Variants in CLNK observed in about 807,000 individuals in gnomAD.
CLNK encodes the protein cytokine-dependent hematopoietic cell linker.
CLNK carries 74 observed loss-of-function variants against 68.6 expected under a neutral mutation model. The observed-to-expected ratio is 1.08, with a 90% CI of 0.89 to 1.31. The LOEUF (loss-of-function observed/expected upper bound fraction) is 1.31, where lower values mean the gene tolerates loss of function less well. CLNK is among the 50% of genes most tolerant of loss of function. CLNK has a pLI of 0.00. For missense variants in CLNK, 553 were observed against 515.3 expected (o/e 1.07, Z -0.71); for synonymous variants, 198 against 172.2 (o/e 1.15, Z -1.17).
At chr4:10,542,473 C>A (rs1719069241) in intron 8 of CLNK, among the ~76,000 whole-genome samples, 193 bp from the exon 9 acceptor site, 1 of 152,038 alleles carries the variant, frequency 6.6e-6, no homozygotes, top group South Asian at 2.1e-4. Context: ...TAAATCCTCA[C>A]CCTTGTTCGG....
chr4:10,680,851 T>C (rs1273597410), intron 1 of CLNK, among the ~76,000 whole-genome samples: 1 of 152,026 alleles, frequency 6.6e-6, no homozygotes, highest in South Asian at 2.1e-4. Flanking sequence ...CTGGATGGCG[T>C]GGTATAGTGA....
At chr4:10,604,277 G>A (rs1721705915) in intron 2 of CLNK, among the ~76,000 whole-genome samples, 1 of 152,226 alleles carries the variant, frequency 6.6e-6, no homozygotes. Context: ...GGTCAGAAAT[G>A]TGGCTTACTC....
chr4:10,688,506 C>T (rs1244697762), upstream of CLNK, among the ~76,000 whole-genome samples: 2 of 152,058 alleles, frequency 1.3e-5, no homozygotes, highest in African/African-American at 2.4e-5. Context: ...TGCTGGGAGG[C>T]TAATTTGCAA....
Position 10,665,266 on chromosome 4 carries a change from A to C in CLNK, c.11+2593T>G, listed in dbSNP as rs146570293. ...GAAAGCTTGGTGAGAAGCCATGTTC[A>C]ACAGAGACCAACTCCCTGGCTAAAA... On this transcript the variant is annotated intron_variant, in intron 2 of 18. Coordinates refer to ENST00000226951, the MANE Select transcript of CLNK (RefSeq NM_052964.4). Among the ~76,000 whole-genome samples, 340 of 152,326 alleles carry C rather than the reference A, an allele frequency of 2.2e-3. 2 individuals are homozygous for C. Among genetic ancestry groups the C allele is most frequent in the African/African-American group, 7.9e-3 (328 of 41,570 alleles).
chr4:10,723,919 A>AGAGAGAGACAGAGAGAGAGAGATCG, the CLNK span, among the ~76,000 whole-genome samples: 7 of 148,014 alleles, frequency 4.7e-5, no homozygotes, highest in Non-Finnish European at 9.0e-5. Context: ...AGAGAGAGAG[A>AGAGAGAGACAGAGAGAGAGAGATCG]AGGCAGGGCA....
At chr4:10,713,791 T>A in the CLNK span, among the ~76,000 whole-genome samples, 1 of 152,158 alleles carries the variant, frequency 6.6e-6, no homozygotes, top group African/African-American at 2.4e-5. Context: ...TCTCTCATCA[T>A]GTGACAACCA....
intron 2 of CLNK, among the ~76,000 whole-genome samples, chr4:10,652,381 CAAAAAAAAAAAA>C (rs67304153): frequency 2.0e-5 from 1 of 50,742 alleles, no homozygotes; most frequent in African/African-American, 7.9e-5. Flanking sequence ...GACTCTGTCT[CAAAAAAAAAAAA>C]AAAAAAAAAA....
At chr4:10,695,726 T>C in the CLNK span, among the ~76,000 whole-genome samples, 1 of 152,196 alleles carries the variant, frequency 6.6e-6, no homozygotes, top group Non-Finnish European at 1.5e-5. Flanking sequence ...GGCTATTTTG[T>C]ACAGAGGTAA....
chr4:10,662,286 T>C (rs1487870983), intron 2 of CLNK, among the ~76,000 whole-genome samples: 1 of 152,148 alleles, frequency 6.6e-6, no homozygotes, highest in Non-Finnish European at 1.5e-5. Flanking sequence ...CAAGATAAAA[T>C]AAACTGCCAA....
intron 8 of CLNK, among the ~76,000 whole-genome samples, chr4:10,550,818 G>A (rs936810778): frequency 1.3e-5 from 2 of 152,104 alleles, no homozygotes; most frequent in Admixed American, 1.3e-4. Flanking sequence ...TTCACTTAAA[G>A]GAATCACTTT....
chr4:10,544,546 A>T (rs910773296), intron 8 of CLNK, among the ~76,000 whole-genome samples: 6 of 152,234 alleles, frequency 3.9e-5, no homozygotes, highest in African/African-American at 1.2e-4. Flanking sequence ...GGAGAGTAGG[A>T]GCTGGGGCTA....
rs767714246 is a variant in CLNK, at chr4:10,566,118, TG to T, written c.182del (p.Ala61GlufsTer31). On this transcript the variant is annotated frameshift_variant, in exon 6 of 19. Coordinates refer to ENST00000226951, the MANE Select transcript of CLNK (RefSeq NM_052964.4). LOFTEE classifies it high-confidence loss of function. ...CATAGTCATCATCACTGTGGCCTTT[TG>T]CTCCATCCAGGACTGCAGCAAAGTT... is the stretch of plus-strand genomic sequence containing the variant. ...ERNFAAVLDG[A>X]KGHSDDDYDD... 2 of 1,613,916 alleles carry T rather than the reference TG, an allele frequency of 1.2e-6. No homozygotes were observed. Among genetic ancestry groups the T allele is most frequent in the South Asian group, 2.2e-5 (2 of 91,068 alleles).
the CLNK span, among the ~76,000 whole-genome samples, chr4:10,698,287 T>A: frequency 6.6e-6 from 1 of 152,192 alleles, no homozygotes; most frequent in East Asian, 1.9e-4. Flanking sequence ...TTATTCTTAA[T>A]ACATTTATAA....
intron 1 of CLNK, among the ~76,000 whole-genome samples, chr4:10,679,511 A>C (rs1240891784): frequency 6.6e-6 from 1 of 152,254 alleles, no homozygotes; most frequent in African/African-American, 2.4e-5. Flanking sequence ...CAAAATTGAC[A>C]AATGGGATCT....
At chr4:10,650,469 A>G (rs1481082056) in intron 2 of CLNK, among the ~76,000 whole-genome samples, 1 of 152,124 alleles carries the variant, frequency 6.6e-6, no homozygotes. Context: ...ACTACAGAAA[A>G]CCAAAAAACA....
chr4:10,566,277 G>T, intron 5 of CLNK, 127 bp from the exon 6 acceptor site: 1 of 879,720 alleles, frequency 1.1e-6, no homozygotes, highest in Non-Finnish European at 1.7e-6. Context: ...AGAATCTAGG[G>T]TCTGGGATCT....
chr4:10,676,767 G>A (rs1218949439), intron 1 of CLNK, among the ~76,000 whole-genome samples: 7 of 151,372 alleles, frequency 4.6e-5, no homozygotes, highest in African/African-American at 1.5e-4. Context: ...TGTTCATTTA[G>A]CTTTCTCATG....
intron 2 of CLNK, among the ~76,000 whole-genome samples, chr4:10,608,530 C>A (rs889816815): frequency 2.0e-5 from 3 of 152,200 alleles, no homozygotes; most frequent in African/African-American, 4.8e-5. Context: ...GTTTTCTGAG[C>A]CCCCAGCTTC....
chr4:10,553,892 C>G (rs566673239), intron 8 of CLNK, among the ~76,000 whole-genome samples: 10 of 152,264 alleles, frequency 6.6e-5, no homozygotes, highest in African/African-American at 2.2e-4. Context: ...CATTGCTGTT[C>G]CTTATACTTA....
Sources: gnomAD v4.1 joint callset for allele counts (sites outside exome capture counted in the v4.1 genomes callset) on GRCh38, gnomAD v4.1.1 for gene constraint, MANE v1.5 for transcripts, NCBI Gene and HGNC (gene_info 2026-07-23, HGNC 2026-07-21) for gene names.